The following SH3BGRL variants were observed in gnomAD, a reference collection of about 807,000 sequenced individuals.
The protein encoded by SH3BGRL is SH3 domain binding glutamate rich protein like, also known as adapter SH3BGRL.
A neutral mutation model predicts 9.8 loss-of-function variants in SH3BGRL; 7 were observed. The ratio of observed to expected loss-of-function variants is 0.72; its 90% CI spans 0.41 to 1.35. SH3BGRL has a LOEUF of 1.35. Ranked by LOEUF, SH3BGRL falls within the 40% of genes most tolerant of loss-of-function variation. The pLI is 0.01. For missense variants in SH3BGRL, 73 were observed against 84.4 expected (o/e 0.86, Z 0.53); for synonymous variants, 36 against 29.1 (o/e 1.24, Z -0.76).
chrX:81,269,959 C>T (rs1170080755), intron 1 of SH3BGRL, among the ~76,000 whole-genome samples: 4 of 110,454 alleles, frequency 3.6e-5, no homozygotes, highest in African/African-American at 1.3e-4. Context: ...TACTTTATTT[C>T]ATTAATTTGA....
chrX:81,227,488 T>G (rs2075620804), intron 1 of SH3BGRL, among the ~76,000 whole-genome samples: 1 of 111,725 alleles, frequency 9.0e-6, no homozygotes, highest in South Asian at 3.7e-4. Flanking sequence ...AGAGTTCAAG[T>G]CTGTGCGAAG....
In SH3BGRL at chrX:81,223,330, C is replaced by CT. The variant is rs893010411; in HGVS notation, c.45+21093dup. On this transcript the variant is annotated intron_variant, in intron 1 of 3. Coordinates refer to ENST00000373212, the MANE Select transcript of SH3BGRL (RefSeq NM_003022.3). ...TAGGTCTAACATTTTCTTTTTACCT[C>CT]TTTTTTTTGTGGTGAAGTGGGAGAT... 1.5e-4 allele frequency among the ~76,000 whole-genome samples: 17 copies of CT among 110,840 alleles called. 1 individual carries two copies. The highest frequency in any genetic ancestry group is 2.8e-4 in the East Asian group (1 of 3,512).
At chrX:81,253,461 C>A (rs1182029650) in intron 1 of SH3BGRL, among the ~76,000 whole-genome samples, 1 of 111,550 alleles carries the variant, frequency 9.0e-6, no homozygotes, top group Non-Finnish European at 1.9e-5. Flanking sequence ...TCAAGCAAAC[C>A]TCTCACCTTG....
chrX:81,254,390 T>G (rs1476923981), intron 1 of SH3BGRL, among the ~76,000 whole-genome samples: 1 of 111,902 alleles, frequency 8.9e-6, no homozygotes, highest in Admixed American at 9.5e-5. Flanking sequence ...CTTTCTGGTA[T>G]GTTCATCTGG....
At chrX:81,223,330 CT>C (rs893010411) in intron 1 of SH3BGRL, among the ~76,000 whole-genome samples, 1 of 110,792 alleles carries the variant, frequency 9.0e-6, no homozygotes, top group East Asian at 2.8e-4. Context: ...CTTTTTACCT[CT>C]TTTTTTTGTG....
chrX:81,269,977 T>C lies in SH3BGRL; in HGVS notation c.46-7007T>C, dbSNP rs73634736. 5.3e-3 allele frequency among the ~76,000 whole-genome samples: 591 copies of C among 110,537 alleles called. 5 individuals carry two copies. Among genetic ancestry groups the C allele is most frequent in the African/African-American group, 0.018 (550 of 30,426 alleles). On this transcript the variant is annotated intron_variant, in intron 1 of 3. Coordinates refer to ENST00000373212, the MANE Select transcript of SH3BGRL (RefSeq NM_003022.3). ...TTTATTTCATTAATTTGATCTTCAG[T>C]CAGTGATATCCTTTCCTTCTGCTTG...
chrX:81,265,199 GT>G lies in SH3BGRL; in HGVS notation c.46-11773del, dbSNP rs372356022. Among the ~76,000 whole-genome samples, 572 of 97,440 alleles carry G rather than the reference GT, an allele frequency of 5.9e-3. 3 individuals are homozygous for G. Among genetic ancestry groups the G allele is most frequent in the African/African-American group, 0.014 (386 of 26,902 alleles). The allele number at this position is 97,440 out of a possible 115,157, so 84.6% of individuals were successfully genotyped here. ...CAACTAAAAAAGAAAACAGAGTAGA[GT>G]TTTTTTTTTTTCTTTTTTTTAATGA... On this transcript the variant is annotated intron_variant, in intron 1 of 3. Coordinates refer to ENST00000373212, the MANE Select transcript of SH3BGRL (RefSeq NM_003022.3).
At chrX:81,264,493 C>A (rs922623750) in intron 1 of SH3BGRL, among the ~76,000 whole-genome samples, 3 of 111,808 alleles carry the variant, frequency 2.7e-5, no homozygotes, top group Non-Finnish European at 5.6e-5. Context: ...TGTCCGTAAA[C>A]GATTTTATCC....
intron 3 of SH3BGRL, among the ~76,000 whole-genome samples, chrX:81,285,766 A>C (rs2075832214): frequency 8.9e-6 from 1 of 111,868 alleles, no homozygotes; most frequent in African/African-American, 3.2e-5. Context: ...ACTGTCATGA[A>C]GAAAATGAAA....
chrX:81,248,379 G>A (rs1362941531), intron 1 of SH3BGRL, among the ~76,000 whole-genome samples: 1 of 112,145 alleles, frequency 8.9e-6, no homozygotes. Flanking sequence ...GCTGTGCCAC[G>A]ATTTCAGCGG....
chrX:81,257,350 T>C (rs367705636), intron 1 of SH3BGRL, among the ~76,000 whole-genome samples: 2 of 112,234 alleles, frequency 1.8e-5, no homozygotes, highest in East Asian at 5.6e-4. Flanking sequence ...TCAGGTTCTG[T>C]ATTAGTTTTC....
chrX:81,221,682 C>T (rs1040752691), intron 1 of SH3BGRL, among the ~76,000 whole-genome samples: 9 of 111,811 alleles, frequency 8.0e-5, no homozygotes, highest in Non-Finnish European at 1.5e-4. Flanking sequence ...TTTGTCCTAG[C>T]ATCAAGGTTG....
At chrX:81,296,357 G>A (rs770481033) in intron 3 of SH3BGRL, among the ~76,000 whole-genome samples, 273 of 111,863 alleles carry the variant, frequency 2.4e-3, no homozygotes, top group African/African-American at 7.9e-3. Context: ...AGTATATTTC[G>A]TTATTTTTTT....
chrX:81,270,119 C>G (rs1019488620), intron 1 of SH3BGRL, among the ~76,000 whole-genome samples: 7 of 110,777 alleles, frequency 6.3e-5, no homozygotes, highest in Non-Finnish European at 1.3e-4. Flanking sequence ...AGCCATTCAT[C>G]TAACCTTTTG....
At chrX:81,269,887 C>G (rs1185858852) in intron 1 of SH3BGRL, among the ~76,000 whole-genome samples, 1 of 111,388 alleles carries the variant, frequency 9.0e-6, no homozygotes. Context: ...TTCACATAGT[C>G]CTATATTTCT....
At chrX:81,227,008 A>G (rs1039309158) in intron 1 of SH3BGRL, among the ~76,000 whole-genome samples, 7 of 112,321 alleles carry the variant, frequency 6.2e-5, no homozygotes, top group African/African-American at 2.3e-4. Context: ...TAAGTCATTT[A>G]TCCTTGTGCA....
At chrX:81,216,395 T>C (rs1398345441) in intron 1 of SH3BGRL, among the ~76,000 whole-genome samples, 2 of 111,549 alleles carry the variant, frequency 1.8e-5, no homozygotes, top group Admixed American at 9.5e-5. Context: ...TCAGGATAAA[T>C]AGGGAATCCA....
intron 3 of SH3BGRL, among the ~76,000 whole-genome samples, chrX:81,288,269 A>G (rs746079844): frequency 4.4e-4 from 49 of 112,239 alleles, no homozygotes; most frequent in Non-Finnish European, 8.8e-4. Context: ...AAAAAGACTT[A>G]GTATAGAAGG....
intron 1 of SH3BGRL, among the ~76,000 whole-genome samples, chrX:81,271,792 C>G (rs1446632880): frequency 9.0e-6 from 1 of 111,076 alleles, no homozygotes; most frequent in African/African-American, 3.3e-5. Flanking sequence ...GACACATAAT[C>G]ATCAGATTAC....
Sources: gnomAD v4.1 joint callset for allele counts (sites outside exome capture counted in the v4.1 genomes callset) on GRCh38, gnomAD v4.1.1 for gene constraint, MANE v1.5 for transcripts, NCBI Gene and HGNC (gene_info 2026-07-23, HGNC 2026-07-21) for gene names.